Variants in ANKRD24 observed in about 807,000 individuals in gnomAD.
The protein encoded by ANKRD24 is ankyrin repeat domain-containing protein 24.
ANKRD24 carries 109 observed loss-of-function variants against 127.8 expected under a neutral mutation model. That is an observed-to-expected ratio of 0.85 (90% CI 0.73 to 1.00). The LOEUF is 1.00. ANKRD24 is among the 50% of genes least tolerant of loss of function. The probability of loss-of-function intolerance (pLI) is 0.00; values close to 1 mark genes in which losing one functional copy is unlikely to be tolerated. For synonymous variants in ANKRD24, 743 were observed against 671.1 expected (o/e 1.11, Z -1.66); for missense variants, 1,648 against 1,570.2 (o/e 1.05, Z -0.84).
chr19:4,186,703 C>T (rs550794894), intron 2 of ANKRD24, among the ~76,000 whole-genome samples: 4 of 152,228 alleles, frequency 2.6e-5, no homozygotes, highest in Admixed American at 2.0e-4. Context: ...CCAATCAGAC[C>T]CTCCTAATTC....
chr19:4,198,227 C>T lies in ANKRD24; in HGVS notation c.37-1456C>T. The T allele has an allele frequency of 3.9e-6, 2 of 516,032 alleles. No individual in the cohort carries two copies. The highest frequency in any genetic ancestry group is 6.8e-6 in the Non-Finnish European group (2 of 293,672). 32.0% of individuals were successfully genotyped at this position (516,032 alleles called of 1,614,324 possible). ...TCCAGGCGACAAGGTCAGGAGGGGC[C>T]GGGGCGGCGCCCCTTCCCTCAGCCC... is the stretch of plus-strand genomic sequence containing the variant. On this transcript the variant is annotated intron_variant, in intron 2 of 21. Coordinates refer to ENST00000318934, the MANE Select transcript of ANKRD24 (RefSeq NM_001393985.1). This position sits in a 1 kb window ranked among gnomAD's most constrained non-coding sequence, Gnocchi z 6.1.
In ANKRD24 at chr19:4,216,656, T is replaced by C. The variant is rs1970091842; in HGVS notation, c.1496T>C (p.Leu499Pro). The C allele has an allele frequency of 3.7e-6, 6 of 1,602,650 alleles. No individual in the cohort carries two copies. The highest frequency in any genetic ancestry group is 5.1e-6 in the Non-Finnish European group (6 of 1,174,768). ...TCTCTCCGGGCCGAGTTTGACCAGC[T>C]ACGCAGGCAGCACGCTGAGGCCCTG... ...YDSLRAEFDQ[L>P]RRQHAEALQA... The change falls in exon 18 of 22, where the codon CTA becomes CCA. Residue 499 changes from leucine to proline, a missense_variant. By Grantham distance (98) the Leu-to-Pro change is moderately conservative. Coordinates refer to ENST00000318934, the MANE Select transcript of ANKRD24 (RefSeq NM_001393985.1).
At chr19:4,185,351 T>C (rs903313478) in intron 1 of ANKRD24, among the ~76,000 whole-genome samples, 5 of 151,980 alleles carry the variant, frequency 3.3e-5, no homozygotes, top group Non-Finnish European at 5.9e-5. Context: ...GGTGGGAGGA[T>C]GGATGTCCAG....
chr19:4,204,200 C>CAG (rs1448776684), intron 7 of ANKRD24, among the ~76,000 whole-genome samples: 1 of 142,024 alleles, frequency 7.0e-6, no homozygotes, highest in Admixed American at 7.2e-5. Flanking sequence ...CTCCTGACCT[C>CAG]GTGATCCGCC....
intron 2 of ANKRD24, among the ~76,000 whole-genome samples, chr19:4,190,501 G>A (rs2145225675): frequency 6.6e-6 from 1 of 151,342 alleles, no homozygotes; most frequent in South Asian, 2.1e-4. Flanking sequence ...GAGGCGGGCA[G>A]ATCACCTGAG....
rs1408499507 is a variant in ANKRD24 at position 4,199,751 on chromosome 19, A to G, written c.105A>G (p.Ala35=). ...PCGPCPIPKP[A]ARGRRQSQDW... Reference sequence around the variant, plus strand: ...GCCCCTGCCCCATCCCGAAGCCGGCAGCCAGAGGCAGGCGCCAGGCAAGTG... The same window carrying G: ...GCCCCTGCCCCATCCCGAAGCCGGCGGCCAGAGGCAGGCGCCAGGCAAGTG... The change falls in exon 3 of 22, where the codon GCA becomes GCG. Residue 35 remains alanine (A), a synonymous_variant. Transcript: ENST00000318934. The surrounding 1 kb of genome is among the most constrained non-coding windows in gnomAD (Gnocchi z 5.2). 1 of 1,537,764 alleles carries G rather than the reference A, an allele frequency of 6.5e-7. No individual in the cohort carries two copies. The highest frequency in any genetic ancestry group is 8.7e-7 in the Non-Finnish European group (1 of 1,144,432).
chr19:4,221,510 G>A (rs903627003), intron 19 of ANKRD24, among the ~76,000 whole-genome samples: 2 of 152,150 alleles, frequency 1.3e-5, no homozygotes, highest in Non-Finnish European at 2.9e-5. Flanking sequence ...GATGACAGGC[G>A]TGAGCCACCG....
chr19:4,220,484 A>G (rs548137420), intron 19 of ANKRD24, among the ~76,000 whole-genome samples: 3 of 152,356 alleles, frequency 2.0e-5, no homozygotes, highest in South Asian at 2.1e-4. Flanking sequence ...GTTCCTAAAC[A>G]ATACTAATGA....
chr19:4,221,468 G>A (rs1309414098), intron 19 of ANKRD24, among the ~76,000 whole-genome samples: 4 of 151,968 alleles, frequency 2.6e-5, no homozygotes, highest in Non-Finnish European at 4.4e-5. Flanking sequence ...GAGCTCAAGC[G>A]ATCTGTCTGC....
At chr19:4,189,780 G>A (rs1968280589) in intron 2 of ANKRD24, among the ~76,000 whole-genome samples, 1 of 152,086 alleles carries the variant, frequency 6.6e-6, no homozygotes, top group African/African-American at 2.4e-5. Flanking sequence ...GTGTTATGAG[G>A]CAGGAGCTTT....
chr19:4,219,573 C>A lies in ANKRD24; in HGVS notation c.3004-18C>A. On this transcript the variant is annotated intron_variant, in intron 18 of 21. Transcript: ENST00000318934. ...GAGTCTTAGTGTCCTGAGAGTCATG[C>A]GTGGGCTTGGGCCACAGGTGCAGCG... The A allele has an allele frequency of 6.3e-7, 1 of 1,592,442 alleles. No individual in the cohort carries two copies. Among genetic ancestry groups the A allele is most frequent in the Non-Finnish European group, 8.6e-7 (1 of 1,165,026 alleles).
At chr19:4,193,845 G>GAGGGAGGGAGGGAGGGT (rs573649233) in intron 2 of ANKRD24, among the ~76,000 whole-genome samples, 1 of 40,590 alleles carries the variant, frequency 2.5e-5, no homozygotes, top group Admixed American at 2.9e-4. Context: ...GGGAGGGAGG[G>GAGGGAGGGAGGGAGGGT]AGGAAGGAAG....
intron 13 of ANKRD24, among the ~76,000 whole-genome samples, chr19:4,211,451 C>T (rs900193803): frequency 6.6e-6 from 1 of 151,486 alleles, no homozygotes; most frequent in Non-Finnish European, 1.5e-5. Flanking sequence ...CCAGCCTGGC[C>T]AACATAGTGA....
chr19:4,200,598 C>T (rs1202241699), intron 5 of ANKRD24, among the ~76,000 whole-genome samples: 1 of 152,082 alleles, frequency 6.6e-6, no homozygotes, highest in Non-Finnish European at 1.5e-5. Context: ...CAGCTCACTG[C>T]AGTCTCCATT....
chr19:4,188,324 G>A lies in ANKRD24; in HGVS notation c.36+1863G>A, dbSNP rs192754794. ...ACTCCTGACCTCAGGTCATCCACCC[G>A]CCTTGGCCTCCCAAAATGCTGGGAT... is the stretch of plus-strand genomic sequence containing the variant. On this transcript the variant is annotated intron_variant, in intron 2 of 21. Coordinates refer to ENST00000318934, the MANE Select transcript of ANKRD24 (RefSeq NM_001393985.1). Among the ~76,000 whole-genome samples the A allele has an allele frequency of 1.4e-3, 208 of 149,038 alleles. 2 individuals are homozygous for A. The Middle Eastern group carries it at 0.015, about 11-fold the overall frequency.
chr19:4,198,359 C>CGGGA lies in ANKRD24; in HGVS notation c.37-1321_37-1320insAGGG. 1 of 24,332 alleles carries CGGGA rather than the reference C, an allele frequency of 4.1e-5. No homozygotes were observed. Among genetic ancestry groups the CGGGA allele is most frequent in the Non-Finnish European group, 7.1e-5 (1 of 14,022 alleles). The allele number at this position is 24,332 out of a possible 1,614,324, so 1.5% of individuals were successfully genotyped here. On this transcript the variant is annotated intron_variant, in intron 2 of 21. Coordinates refer to ENST00000318934, the MANE Select transcript of ANKRD24 (RefSeq NM_001393985.1). This position sits in a 1 kb window ranked among gnomAD's most constrained non-coding sequence, Gnocchi z 6.1. ...CGGCACCAGGGAGGGCGGGACCGGG[C>CGGGA]GGGCGGGCGGGGCGGGGAGCTCCGG...
At chr19:4,183,287 C>T in intron 1 of ANKRD24, 1 of 986,022 alleles carries the variant, frequency 1.0e-6, no homozygotes. Context: ...GCCAAGTTAT[C>T]TGAGTATCAT....
chr19:4,212,722 C>A, intron 15 of ANKRD24, 24 bp downstream of exon 15: 1 of 1,542,632 alleles, frequency 6.5e-7, no homozygotes, highest in Non-Finnish European at 8.8e-7. Flanking sequence ...TGAGTCAGGG[C>A]TGGGCTGGGG....
chr19:4,205,679 C>T (rs571716468), intron 7 of ANKRD24, among the ~76,000 whole-genome samples: 27 of 152,072 alleles, frequency 1.8e-4, no homozygotes, highest in African/African-American at 6.0e-4. Flanking sequence ...AAAACCCCAT[C>T]TCTACTAAAA....
Sources: allele counts gnomAD v4.1 joint callset (sites outside exome capture counted in the v4.1 genomes callset), GRCh38; gene constraint gnomAD v4.1.1; non-coding constraint Gnocchi (gnomAD v3.1); transcripts MANE v1.5; gene names NCBI Gene and HGNC (gene_info 2026-07-23, HGNC 2026-07-21).